MAPK8IP3: variants seen among roughly 807,000 people sequenced by gnomAD.
MAPK8IP3 encodes the protein C-Jun-amino-terminal kinase-interacting protein 3.
Under a neutral mutation model 157.8 loss-of-function variants are expected in MAPK8IP3, and 49 were observed. The ratio of observed to expected loss-of-function variants is 0.31; its 90% CI spans 0.25 to 0.39. The LOEUF is 0.39. Ranked by LOEUF, MAPK8IP3 falls within the 10% of genes least tolerant of loss-of-function variation. The pLI, the probability that MAPK8IP3 is intolerant of heterozygous loss-of-function variation, is 1.00. For synonymous variants in MAPK8IP3, 897 were observed against 777.7 expected (o/e 1.15, Z -2.55); for missense variants, 1,478 against 1,889.4 (o/e 0.78, Z 4.04).
At chr16:1,735,315 C>T (rs1021790905) in intron 4 of MAPK8IP3, among the ~76,000 whole-genome samples, 14 of 147,104 alleles carry the variant, frequency 9.5e-5, no homozygotes, top group South Asian at 2.2e-4. Context: ...TCCGTGTTTC[C>T]GTGTGTGTCC....
chr16:1,761,598 G>A (rs1374399608), intron 13 of MAPK8IP3, among the ~76,000 whole-genome samples: 4 of 139,774 alleles, frequency 2.9e-5, no homozygotes, highest in Non-Finnish European at 6.1e-5. Context: ...CACAGGCAGA[G>A]CGGCCACCAT....
In MAPK8IP3 at chr16:1,736,011, TGA is replaced by T. The variant is rs367822156; in HGVS notation, c.602+6437_602+6438del. On this transcript the variant is annotated intron_variant, in intron 4 of 31. Transcript: ENST00000610761. ...GTGAGCATCCGTGTGACCGTCCATG[TGA>T]GAGTGTGACCGTCCATGTGAGCATC... Among the ~76,000 whole-genome samples the T allele has an allele frequency of 7.0e-4, 95 of 136,124 alleles. No homozygotes were observed. The East Asian group carries it at 0.01, about 15-fold the overall frequency. The allele number at this position is 136,124 out of a possible 152,430, so 89.3% of individuals were successfully genotyped here.
chr16:1,768,160 T>C (rs1357801862), intron 29 of MAPK8IP3, 39 bp from the exon 30 acceptor site: 1 of 1,612,022 alleles, frequency 6.2e-7, no homozygotes, highest in Admixed American at 1.7e-5. Flanking sequence ...ACTCTCCACC[T>C]GTATGCGGGC....
At chr16:1,763,144 C>A in intron 16 of MAPK8IP3, 138 bp downstream of exon 16, 1 of 1,117,628 alleles carries the variant, frequency 8.9e-7, no homozygotes, top group Non-Finnish European at 1.3e-6. Flanking sequence ...GGGGCCGTGA[C>A]CTCTCCCTGC....
intron 1 of MAPK8IP3, among the ~76,000 whole-genome samples, chr16:1,719,229 A>G (rs533347150): frequency 1.3e-5 from 2 of 152,194 alleles, no homozygotes; most frequent in Admixed American, 1.3e-4. Context: ...TCAGCAACCC[A>G]AAGTGCTGGG....
At chr16:1,756,661 C>T (rs906927942) in intron 8 of MAPK8IP3, among the ~76,000 whole-genome samples, 1 of 137,234 alleles carries the variant, frequency 7.3e-6, no homozygotes, top group Admixed American at 6.9e-5. Context: ...CACACACACA[C>T]ACACACACAA....
chr16:1,769,671 G>C lies in MAPK8IP3; in HGVS notation c.*847G>C, dbSNP rs543686268. 1 of 152,554 alleles carries C rather than the reference G, an allele frequency of 6.6e-6. No homozygotes were observed. Among genetic ancestry groups the C allele is most frequent in the Admixed American group, 6.5e-5 (1 of 15,284 alleles). The allele number at this position is 152,554 out of a possible 1,614,324, so 9.5% of individuals were successfully genotyped here. On this transcript the variant is annotated 3_prime_UTR_variant, in exon 32 of 32. Coordinates refer to ENST00000610761, the MANE Select transcript of MAPK8IP3 (RefSeq NM_001318852.2). ...GGGCAGGCCCAGGCCTCAGGAAGAA[G>C]GGGAGGCCCCTGGCCTCTCCGGGAT...
Position 1,769,312 on chromosome 16 carries a change from C to A in MAPK8IP3, c.*488C>A. 6.0e-6 allele frequency: 1 copy of A among 166,544 alleles called. No individual in the cohort carries two copies. Among genetic ancestry groups the A allele is most frequent in the Non-Finnish European group, 1.3e-5 (1 of 76,306 alleles). The allele number at this position is 166,544 out of a possible 1,614,324, so 10.3% of individuals were successfully genotyped here. The stretch of plus-strand genomic sequence containing the variant: ...AGCTGGGCCAGGCACTAGCCTTTGC[C>A]CAGGGAGGTGGGCCTCAGGCTGCCC... On this transcript the variant is annotated 3_prime_UTR_variant, in exon 32 of 32. Coordinates refer to ENST00000610761, the MANE Select transcript of MAPK8IP3 (RefSeq NM_001318852.2).
Position 1,706,671 on chromosome 16 carries a change from G to A in MAPK8IP3, c.318+14G>A, listed in dbSNP as rs536627949. On this transcript the variant is annotated intron_variant, in intron 1 of 31. Coordinates refer to ENST00000610761, the MANE Select transcript of MAPK8IP3 (RefSeq NM_001318852.2). This position sits in a 1 kb window ranked among gnomAD's most constrained non-coding sequence, Gnocchi z 5.1. ...CAGGCGGAGGAGGTGCGTGGGCCGCGGGACCCGCCCGCATCCCCGTCCCGG... is the reference window on the plus strand; with the variant it reads ...CAGGCGGAGGAGGTGCGTGGGCCGCAGGACCCGCCCGCATCCCCGTCCCGG... The A allele has an allele frequency of 1.2e-4, 189 of 1,524,306 alleles. 1 individual carries two copies. In the African/African-American group the frequency reaches 2.4e-3, roughly 20 times the overall value. 94.4% of individuals were successfully genotyped at this position (1,524,306 alleles called of 1,614,324 possible).
At position 1,737,736 on chromosome 16, in the gene MAPK8IP3, G is replaced by A. The variant is rs1377260841; in HGVS notation, c.603-5596G>A. 7.2e-5 allele frequency among the ~76,000 whole-genome samples: 5 copies of A among 69,652 alleles called. 1 individual carries two copies. Among genetic ancestry groups the A allele is most frequent in the Admixed American group, 1.5e-4 (1 of 6,712 alleles). 45.7% of individuals were successfully genotyped at this position (69,652 alleles called of 152,430 possible). ...TGTGTGACCGTCCGTGTGAGCATCCGTGTGAGCGTGACCATCCGTGTGTGT... is the reference window on the plus strand; with the variant it reads ...TGTGTGACCGTCCGTGTGAGCATCCATGTGAGCGTGACCATCCGTGTGTGT... On this transcript the variant is annotated intron_variant, in intron 4 of 31. Transcript: ENST00000610761.
chr16:1,706,615 C>A lies in MAPK8IP3; in HGVS notation c.276C>A (p.Thr92=), dbSNP rs770897407. ...LLREDNEQLL[T]QYEREKALRR... ...GCGAGGACAACGAGCAGCTGCTCAC[C>A]CAGTACGAGCGTGAGAAGGCGCTGC... The change falls in exon 1 of 32, where the codon ACC becomes ACA. Residue 92 remains threonine (T), a synonymous_variant. Coordinates refer to ENST00000610761, the MANE Select transcript of MAPK8IP3 (RefSeq NM_001318852.2). The surrounding 1 kb of genome is among the most constrained non-coding windows in gnomAD (Gnocchi z 5.1). The A allele has an allele frequency of 6.3e-7, 1 of 1,592,320 alleles. No individual in the cohort carries two copies. The highest frequency in any genetic ancestry group is 1.8e-5 in the Admixed American group (1 of 56,252).
In MAPK8IP3 at chr16:1,718,516, G is replaced by A. The variant is rs368464759; in HGVS notation, c.319-6041G>A. Among the ~76,000 whole-genome samples the A allele has an allele frequency of 1.8e-4, 27 of 152,016 alleles. No homozygotes were observed. The East Asian group carries it at 4.7e-3, about 26-fold the overall frequency. ...TTTAAATAAAAATATTTTCTAGGCCGGGTACGGTGGCTCTCGCCTGTAATA... is the reference window on the plus strand; with the variant it reads ...TTTAAATAAAAATATTTTCTAGGCCAGGTACGGTGGCTCTCGCCTGTAATA... On this transcript the variant is annotated intron_variant, in intron 1 of 31. Transcript: ENST00000610761.
chr16:1,729,605 T>A (rs1233256720), intron 4 of MAPK8IP3, 27 bp downstream of exon 4: 1 of 1,565,390 alleles, frequency 6.4e-7, no homozygotes, highest in Non-Finnish European at 8.7e-7. Flanking sequence ...GGGGTGGAGG[T>A]ACGCGGGGCG....
chr16:1,733,433 G>A (rs945044796), intron 4 of MAPK8IP3, among the ~76,000 whole-genome samples: 1 of 152,228 alleles, frequency 6.6e-6, no homozygotes, highest in African/African-American at 2.4e-5. Context: ...GGCTGCCCCA[G>A]CTCCAGAGCC....
rs1347128732 is a variant in MAPK8IP3 at position 1,743,589 on chromosome 16, G to T, written c.747+113G>T. ...CCCTTCACGGCTCTCTGGGCCACTCGCCCTCTCCCTTCGTGTGTGGCAGGA... is the reference window on the plus strand; with the variant it reads ...CCCTTCACGGCTCTCTGGGCCACTCTCCCTCTCCCTTCGTGTGTGGCAGGA... On this transcript the variant is annotated intron_variant, in intron 5 of 31. Coordinates refer to ENST00000610761, the MANE Select transcript of MAPK8IP3 (RefSeq NM_001318852.2). The surrounding 1 kb of genome is among the most constrained non-coding windows in gnomAD (Gnocchi z 5.6). 8.1e-6 allele frequency: 12 copies of T among 1,481,764 alleles called. No homozygotes were observed. Among genetic ancestry groups the T allele is most frequent in the Non-Finnish European group, 8.9e-6 (10 of 1,126,526 alleles). The allele number at this position is 1,481,764 out of a possible 1,614,324, so 91.8% of individuals were successfully genotyped here.
chr16:1,721,953 T>C (rs1444520786), intron 1 of MAPK8IP3, among the ~76,000 whole-genome samples: 1 of 151,136 alleles, frequency 6.6e-6, no homozygotes, highest in Non-Finnish European at 1.5e-5. Context: ...TTATTTTTAG[T>C]AGAAACGGGG....
In MAPK8IP3 at chr16:1,742,746, C is replaced by T. The variant is rs774098821; in HGVS notation, c.603-586C>T. Among the ~76,000 whole-genome samples the T allele has an allele frequency of 2.0e-5, 3 of 152,090 alleles. No individual in the cohort carries two copies. The highest frequency in any genetic ancestry group is 7.2e-5 in the African/African-American group (3 of 41,394). On this transcript the variant is annotated intron_variant, in intron 4 of 31. Transcript: ENST00000610761. This position sits in a 1 kb window ranked among gnomAD's most constrained non-coding sequence, Gnocchi z 5.0. ...CCTAAAAGGCATTGCTCATGGTGGC[C>T]GTGCAGCGCTGACCGTGATGCCAAG...
chr16:1,767,676 C>T lies in MAPK8IP3; in HGVS notation c.3350C>T (p.Ala1117Val). Residue 1117 changes from alanine to valine, a missense_variant, in exon 27 of 32, where the codon GCA becomes GTA. Coordinates refer to ENST00000610761, the MANE Select transcript of MAPK8IP3 (RefSeq NM_001318852.2). ...GACTCCACCCTGAGGCTCTACCATG[C>T]ACACACGCACCAGCATCTACAGGAC... is the stretch of plus-strand genomic sequence containing the variant. The part of the protein sequence containing the change: ...RLDSTLRLYH[A>V]HTHQHLQDVD... 1 of 1,612,782 alleles carries T rather than the reference C, an allele frequency of 6.2e-7. No homozygotes were observed. The highest frequency in any genetic ancestry group is 8.5e-7 in the Non-Finnish European group (1 of 1,179,966).
chr16:1,721,862 C>T (rs766563161), intron 1 of MAPK8IP3, among the ~76,000 whole-genome samples: 4 of 152,262 alleles, frequency 2.6e-5, no homozygotes, highest in East Asian at 1.9e-4. Flanking sequence ...CTCCGCCTCC[C>T]GGGTTCAAGT....
Sources: gnomAD v4.1 joint callset for allele counts (sites outside exome capture counted in the v4.1 genomes callset) on GRCh38, gnomAD v4.1.1 for gene constraint, Gnocchi (gnomAD v3.1) non-coding constraint, MANE v1.5 for transcripts, NCBI Gene and HGNC (gene_info 2026-07-23, HGNC 2026-07-21) for gene names.